KIF3B: variants seen among roughly 807,000 people sequenced by gnomAD.
The protein encoded by KIF3B is kinesin-like protein KIF3B.
A neutral mutation model predicts 74.3 loss-of-function variants in KIF3B; 38 were observed. The observed-to-expected ratio is 0.51, with a 90% confidence interval of 0.39 to 0.67. The LOEUF (loss-of-function observed/expected upper bound fraction) is 0.67, where lower values mean the gene tolerates loss of function less well. Among genes scored for constraint, KIF3B ranks in the 30% least tolerant of loss-of-function variants. The probability of loss-of-function intolerance (pLI) is 0.00; values close to 1 mark genes in which losing one functional copy is unlikely to be tolerated. For synonymous variants in KIF3B, 326 were observed against 342.5 expected (o/e 0.95, Z 0.53); for missense variants, 649 against 932.0 (o/e 0.70, Z 3.95).
At chr20:32,325,639 ATCTC>A (rs770551783) in intron 5 of KIF3B, among the ~76,000 whole-genome samples, 21 of 105,148 alleles carry the variant, frequency 2.0e-4, no homozygotes, top group Middle Eastern at 0.013. Flanking sequence ...TTTCATTATT[ATCTC>A]TCTCTCTCTC....
chr20:32,325,172 T>C (rs553157211), intron 5 of KIF3B, among the ~76,000 whole-genome samples: 1 of 152,120 alleles, frequency 6.6e-6, no homozygotes, highest in Non-Finnish European at 1.5e-5. Flanking sequence ...GGTGATTATG[T>C]TTTTTACATT....
rs778859516 is a variant in KIF3B, at chr20:32,326,120, A to G, written c.1749-651A>G. Among the ~76,000 whole-genome samples, 8 of 152,274 alleles carry G rather than the reference A, an allele frequency of 5.3e-5. No individual in the cohort carries two copies. In the South Asian group the frequency reaches 6.2e-4, roughly 12 times the overall value. On this transcript the variant is annotated intron_variant, in intron 5 of 8. Transcript: ENST00000375712. ...GCTTTAGAAGAGTAAAGGCAGAGAT[A>G]TAATGGGAGACAGTCATCACCATAG... is the stretch of plus-strand genomic sequence containing the variant.
rs551612472 is a variant in KIF3B at position 32,294,954 on chromosome 20, C to G, written c.-65-14759C>G. Among the ~76,000 whole-genome samples the G allele has an allele frequency of 3.9e-5, 6 of 152,178 alleles. No homozygotes were observed. In the East Asian group the frequency reaches 1.2e-3, roughly 29 times the overall value. On this transcript the variant is annotated intron_variant, in intron 1 of 8. Transcript: ENST00000375712. ...CCATTTTTAATGACTTCATAGTTTC[C>G]CATTGTAGAGATGTGCCATAATCTA...
intron 1 of KIF3B, among the ~76,000 whole-genome samples, chr20:32,299,379 G>GTGTATATATATATATATATATA (rs1187264463): frequency 1.2e-3 from 27 of 23,076 alleles, no homozygotes; most frequent in African/African-American, 2.7e-3. Flanking sequence ...TGGTGTGTGT[G>GTGTATATATATATATATATATA]TATATATATA....
At chr20:32,329,356 T>C (rs13037986) in intron 7 of KIF3B, among the ~76,000 whole-genome samples, 30,433 of 150,372 alleles carry the variant, frequency 0.2, 3,382 homozygotes, top group African/African-American at 0.3. Context: ...TTTTCTTTTT[T>C]TTTTTTTTTT....
In KIF3B at chr20:32,297,734, C is replaced by A. The variant is rs1440570127; in HGVS notation, c.-65-11979C>A. On this transcript the variant is annotated intron_variant, in intron 1 of 8. Coordinates refer to ENST00000375712, the MANE Select transcript of KIF3B (RefSeq NM_004798.4). ...GAGATAGTGGGGTTGGGGAAGATTCCTATTGCTGCCACTTGGGGTTCAGGT... is the reference window on the plus strand; with the variant it reads ...GAGATAGTGGGGTTGGGGAAGATTCATATTGCTGCCACTTGGGGTTCAGGT... Among the ~76,000 whole-genome samples, 6 of 152,000 alleles carry A rather than the reference C, an allele frequency of 3.9e-5. No individual in the cohort carries two copies. In the South Asian group the frequency reaches 1.2e-3, roughly 32 times the overall value.
chr20:32,293,275 G>C (rs2047701757), intron 1 of KIF3B, among the ~76,000 whole-genome samples: 1 of 151,184 alleles, frequency 6.6e-6, no homozygotes, highest in African/African-American at 2.4e-5. Flanking sequence ...ATGAATGAAT[G>C]AATGAAAGGA....
intron 1 of KIF3B, among the ~76,000 whole-genome samples, chr20:32,292,122 A>G (rs1474910133): frequency 6.6e-6 from 1 of 151,736 alleles, no homozygotes; most frequent in Non-Finnish European, 1.5e-5. Flanking sequence ...ATTTTTTTGT[A>G]GAGACAGGAT....
At chr20:32,331,088 G>A (rs1453047582) in intron 8 of KIF3B, 135 bp from the exon 9 acceptor site, 2 of 709,236 alleles carry the variant, frequency 2.8e-6, no homozygotes, top group Middle Eastern at 2.5e-4. Flanking sequence ...GGCTGTGCCA[G>A]TGTAGTGGTT....
chr20:32,296,056 G>T (rs1191214047), intron 1 of KIF3B, among the ~76,000 whole-genome samples: 2 of 151,206 alleles, frequency 1.3e-5, no homozygotes, highest in Non-Finnish European at 2.9e-5. Flanking sequence ...GTAGAGACGG[G>T]GTTTCACCGT....
At chr20:32,289,843 T>C (rs2047683247) in intron 1 of KIF3B, among the ~76,000 whole-genome samples, 1 of 152,186 alleles carries the variant, frequency 6.6e-6, no homozygotes, top group Non-Finnish European at 1.5e-5. Flanking sequence ...CCATGGACTT[T>C]GGAGCCAGAT....
chr20:32,295,558 G>T (rs1483617876), intron 1 of KIF3B, among the ~76,000 whole-genome samples: 1 of 152,108 alleles, frequency 6.6e-6, no homozygotes, highest in Non-Finnish European at 1.5e-5. Context: ...CTCCCGAAGT[G>T]CTGGGATTAC....
intron 5 of KIF3B, among the ~76,000 whole-genome samples, chr20:32,317,179 G>A (rs1019256762): frequency 1.3e-5 from 2 of 152,158 alleles, no homozygotes; most frequent in African/African-American, 2.4e-5. Context: ...GGAGATTGCG[G>A]TGAGTTGATA....
intron 1 of KIF3B, among the ~76,000 whole-genome samples, chr20:32,306,784 G>A (rs966937073): frequency 3.3e-5 from 5 of 151,632 alleles, no homozygotes; most frequent in African/African-American, 4.8e-5. Context: ...TAGTAAAGAC[G>A]GGGTTTCACC....
At chr20:32,277,950 G>T (rs2047624342) in intron 1 of KIF3B, among the ~76,000 whole-genome samples, 185 bp downstream of exon 1, 1 of 152,232 alleles carries the variant, frequency 6.6e-6, no homozygotes, top group African/African-American at 2.4e-5. Flanking sequence ...CCCCTGGCAG[G>T]GTCGCGGCCC....
Position 32,329,021 on chromosome 20 carries a change from C to G in KIF3B, c.1969-1120C>G, listed in dbSNP as rs1336002522. ...CTCCTGGGTTCAAGCAATTCTGGTG[C>G]TTCAGCCTTCCTAGTAGCTGAGACT... On this transcript the variant is annotated intron_variant, in intron 7 of 8. Coordinates refer to ENST00000375712, the MANE Select transcript of KIF3B (RefSeq NM_004798.4). 2.0e-5 allele frequency among the ~76,000 whole-genome samples: 3 copies of G among 152,190 alleles called. No homozygotes were observed. The East Asian group carries it at 5.8e-4, about 29-fold the overall frequency.
chr20:32,327,584 T>G lies in KIF3B; in HGVS notation c.1891T>G (p.Ser631Ala). The G allele has an allele frequency of 6.2e-7, 1 of 1,613,458 alleles. No homozygotes were observed. The highest frequency in any genetic ancestry group is 8.5e-7 in the Non-Finnish European group (1 of 1,179,710). Residue 631 changes from serine to alanine, a missense_variant, in exon 7 of 9, where the codon TCA (serine) becomes GCA (alanine). Around this residue, in one of 4 missense-constraint regions of KIF3B, gnomAD observed 186 missense variants for 198.5 expected, o/e 0.94. Coordinates refer to ENST00000375712, the MANE Select transcript of KIF3B (RefSeq NM_004798.4). ...CCAGCAGATGATGAAGCGGCCAGTC[T>G]CAGCCGTGGGATATAAGAGACCATT... ...ENQQMMKRPV[S>A]AVGYKRPLSQ... is the part of the protein sequence containing the mutation.
At chr20:32,282,231 G>A (rs564713451) in intron 1 of KIF3B, among the ~76,000 whole-genome samples, 5 of 152,202 alleles carry the variant, frequency 3.3e-5, no homozygotes, top group South Asian at 4.2e-4. Flanking sequence ...GTAAGAGGAC[G>A]GATTGGGGAT....
intron 5 of KIF3B, among the ~76,000 whole-genome samples, chr20:32,318,353 A>G (rs1451380994): frequency 6.6e-6 from 1 of 152,064 alleles, no homozygotes; most frequent in Non-Finnish European, 1.5e-5. Context: ...GTGTTTTTTT[A>G]AAAGCATATA....
Sources: gnomAD v4.1 joint callset for allele counts (sites outside exome capture counted in the v4.1 genomes callset) on GRCh38, gnomAD v4.1.1 for gene constraint, gnomAD v4.1.1 regional missense constraint, MANE v1.5 for transcripts, NCBI Gene and HGNC (gene_info 2026-07-23, HGNC 2026-07-21) for gene names.